FBXL17: variants seen among roughly 807,000 people sequenced by gnomAD.
FBXL17 encodes the protein F-box/LRR-repeat protein 17.
FBXL17 carries 22 observed loss-of-function variants against 66.2 expected under a neutral mutation model. That is an observed-to-expected ratio of 0.33 (90% CI 0.24 to 0.47). The LOEUF is 0.47. Ranked by LOEUF, FBXL17 falls within the 20% of genes least tolerant of loss-of-function variation. FBXL17 has a pLI of 1.00. For synonymous variants in FBXL17, 474 were observed against 400.5 expected (o/e 1.18, Z -2.19); for missense variants, 878 against 948.2 (o/e 0.93, Z 0.97).
chr5:107,992,067 T>C (rs1438991649), intron 7 of FBXL17, among the ~76,000 whole-genome samples: 1 of 148,614 alleles, frequency 6.7e-6, no homozygotes, highest in Non-Finnish European at 1.5e-5. Context: ...AAATTATACA[T>C]GCACACACAT....
chr5:108,381,435 G>T lies in FBXL17; in HGVS notation c.257C>A (p.Pro86Gln). 7.6e-7 allele frequency: 1 copy of T among 1,311,884 alleles called. No homozygotes were observed. Among genetic ancestry groups the T allele is most frequent in the East Asian group, 3.1e-5 (1 of 32,166 alleles). The allele number at this position is 1,311,884 out of a possible 1,614,324, so 81.3% of individuals were successfully genotyped here. A position where few individuals can be genotyped will look rare whatever the true frequency, so the allele number is the denominator to read the frequency against. ...PEEEPPLSPP[P>Q]RDGAYAAASS... is the part of the protein sequence containing the mutation. Reference sequence around the variant, plus strand: ...GGCGGCAGCGTAGGCCCCGTCCCGCGGCGGCGGCGAGAGCGGCGGCTCCTC... The same window carrying T: ...GGCGGCAGCGTAGGCCCCGTCCCGCTGCGGCGGCGAGAGCGGCGGCTCCTC... Residue 86 changes from proline (P) to glutamine (Q), a missense_variant, in exon 1 of 9, where the codon CCG becomes CAG. Pro to Gln is a moderately conservative substitution (Grantham distance 76, BLOSUM62 -1). Around this residue, in one of 4 missense-constraint regions of FBXL17, gnomAD observed 605 missense variants for 509.5 expected, o/e 1.19. Transcript: ENST00000542267.
intron 6 of FBXL17, among the ~76,000 whole-genome samples, chr5:108,182,420 G>A (rs1433403147): frequency 6.6e-6 from 1 of 152,088 alleles, no homozygotes. Flanking sequence ...GGCATGGCAA[G>A]AACAATGAGA....
chr5:108,361,914 A>G (rs575338977), intron 3 of FBXL17, among the ~76,000 whole-genome samples: 1 of 152,284 alleles, frequency 6.6e-6, no homozygotes, highest in East Asian at 1.9e-4. Context: ...TCGGACTGCT[A>G]TCTTCAAGAC....
intron 7 of FBXL17, among the ~76,000 whole-genome samples, chr5:107,970,573 C>G (rs1438717912): frequency 6.6e-6 from 1 of 152,166 alleles, no homozygotes; most frequent in Non-Finnish European, 1.5e-5. Context: ...TTCTTTAGAC[C>G]TATCAACTCT....
intron 4 of FBXL17, among the ~76,000 whole-genome samples, chr5:108,252,281 G>A (rs1756390549): frequency 6.6e-6 from 1 of 152,102 alleles, no homozygotes; most frequent in Non-Finnish European, 1.5e-5. Flanking sequence ...TAACTGGGGG[G>A]TTTCTTGTTA....
intron 7 of FBXL17, among the ~76,000 whole-genome samples, chr5:107,991,797 T>G (rs1753261215): frequency 6.6e-6 from 1 of 152,220 alleles, no homozygotes; most frequent in Non-Finnish European, 1.5e-5. Flanking sequence ...CATGGTTTAA[T>G]CTGCTCTTTT....
intron 7 of FBXL17, among the ~76,000 whole-genome samples, chr5:107,939,225 T>G (rs558813938): frequency 6.6e-6 from 1 of 152,272 alleles, no homozygotes; most frequent in East Asian, 1.9e-4. Context: ...ACAAGTAATA[T>G]GTAGGTAAAA....
intron 6 of FBXL17, among the ~76,000 whole-genome samples, chr5:108,101,792 T>C (rs1267214567): frequency 6.6e-6 from 1 of 152,236 alleles, no homozygotes; most frequent in East Asian, 1.9e-4. Flanking sequence ...GTGGCTTTTA[T>C]TTTAACTAAC....
intron 3 of FBXL17, among the ~76,000 whole-genome samples, chr5:108,355,572 C>T (rs1490318086): frequency 1.3e-5 from 2 of 151,944 alleles, no homozygotes; most frequent in African/African-American, 4.8e-5. Flanking sequence ...CATAAGCCAC[C>T]GCACCCAGCC....
chr5:108,110,122 T>C (rs768008527), intron 6 of FBXL17, among the ~76,000 whole-genome samples: 1 of 152,042 alleles, frequency 6.6e-6, no homozygotes, highest in African/African-American at 2.4e-5. Context: ...ACCTCCTCCT[T>C]GGCCAGCCAA....
At chr5:108,375,535 T>C (rs1749364106) in intron 1 of FBXL17, among the ~76,000 whole-genome samples, 2 of 151,998 alleles carry the variant, frequency 1.3e-5, no homozygotes, top group South Asian at 2.1e-4. Context: ...ATTGATGAAA[T>C]AGATGACAAA....
At chr5:108,297,454 T>C (rs575015391) in intron 4 of FBXL17, among the ~76,000 whole-genome samples, 3 of 151,650 alleles carry the variant, frequency 2.0e-5, no homozygotes, top group Non-Finnish European at 3.0e-5. Context: ...TCCATATATA[T>C]AGGAATAAAT....
chr5:107,911,958 T>C (rs1244095673), intron 7 of FBXL17, among the ~76,000 whole-genome samples: 1 of 152,100 alleles, frequency 6.6e-6, no homozygotes, highest in Non-Finnish European at 1.5e-5. Context: ...CAAATTAAAA[T>C]GTCACTGAAA....
chr5:107,897,724 G>C (rs1172645729), intron 7 of FBXL17, among the ~76,000 whole-genome samples: 1 of 151,722 alleles, frequency 6.6e-6, no homozygotes, highest in African/African-American at 2.4e-5. Flanking sequence ...CTGTGAAAGA[G>C]AACCCAGATA....
At chr5:108,379,286 A>G (rs1329114636) in intron 1 of FBXL17, among the ~76,000 whole-genome samples, 1 of 152,208 alleles carries the variant, frequency 6.6e-6, no homozygotes, top group African/African-American at 2.4e-5. Flanking sequence ...TCAAGTTTCT[A>G]TACCAAATAT....
chr5:107,955,769 C>G (rs1751642987), intron 7 of FBXL17, among the ~76,000 whole-genome samples: 2 of 152,114 alleles, frequency 1.3e-5, no homozygotes, highest in Non-Finnish European at 2.9e-5. Flanking sequence ...GCTTTTATAT[C>G]TGGTTTCAGA....
At chr5:108,299,981 G>T in intron 4 of FBXL17, 1 of 271,494 alleles carries the variant, frequency 3.7e-6, no homozygotes, top group Non-Finnish European at 5.6e-6. Flanking sequence ...AAGTTTAAAA[G>T]GAGTATGTCC....
At chr5:108,199,156 T>C (rs1753792366) in intron 5 of FBXL17, among the ~76,000 whole-genome samples, 1 of 152,134 alleles carries the variant, frequency 6.6e-6, no homozygotes, top group Non-Finnish European at 1.5e-5. Flanking sequence ...ATCATTTACC[T>C]TAATATTGCA....
At chr5:108,070,309 T>C (rs1748279724) in intron 6 of FBXL17, among the ~76,000 whole-genome samples, 1 of 152,214 alleles carries the variant, frequency 6.6e-6, no homozygotes, top group Non-Finnish European at 1.5e-5. Flanking sequence ...TAAAAACCAC[T>C]GTTAGGTTCA....
Sources: gnomAD v4.1 joint callset for allele counts (sites outside exome capture counted in the v4.1 genomes callset) on GRCh38, gnomAD v4.1.1 for gene constraint, gnomAD v4.1.1 regional missense constraint, MANE v1.5 for transcripts, NCBI Gene and HGNC (gene_info 2026-07-23, HGNC 2026-07-21) for gene names.